Variants in TG observed in about 807,000 individuals in gnomAD.
TG encodes thyroid hormones.
Under a neutral mutation model 324.7 loss-of-function variants are expected in TG, and 270 were observed. The observed-to-expected ratio is 0.83, with a 90% CI of 0.75 to 0.92. The LOEUF (loss-of-function observed/expected upper bound fraction) is 0.92. Among genes scored for constraint, TG ranks in the 40% least tolerant of loss-of-function variants. TG has a pLI of 0.00. For missense variants in TG, 3,591 were observed against 3,456.4 expected (o/e 1.04, Z -0.98); for synonymous variants, 1,401 against 1,327.0 (o/e 1.06, Z -1.21).
At chr8:133,115,830 A>G (rs1194075419) in intron 44 of TG, among the ~76,000 whole-genome samples, 3 of 152,034 alleles carry the variant, frequency 2.0e-5, no homozygotes, top group Non-Finnish European at 4.4e-5. Flanking sequence ...GCAGGGCCCC[A>G]CTCTTGTAAG....
intron 35 of TG, among the ~76,000 whole-genome samples, chr8:133,009,047 A>G (rs1834266736): frequency 6.6e-6 from 1 of 152,184 alleles, no homozygotes; most frequent in East Asian, 1.9e-4. Flanking sequence ...GAATGGCAGG[A>G]CTTGGCTCCA....
chr8:133,001,261 C>T (rs1833465709), intron 35 of TG, among the ~76,000 whole-genome samples: 1 of 152,168 alleles, frequency 6.6e-6, no homozygotes, highest in Non-Finnish European at 1.5e-5. Flanking sequence ...CCTACTGTCA[C>T]CCCTCTGCTA....
intron 43 of TG, among the ~76,000 whole-genome samples, chr8:133,110,463 T>A (rs1850167029): frequency 6.6e-6 from 1 of 152,208 alleles, no homozygotes; most frequent in Non-Finnish European, 1.5e-5. Context: ...TATGAAGGAA[T>A]TAGCATAGAA....
chr8:133,091,073 G>A (rs1847434472), intron 41 of TG, among the ~76,000 whole-genome samples: 1 of 152,190 alleles, frequency 6.6e-6, no homozygotes, highest in African/African-American at 2.4e-5. Flanking sequence ...CCAGCTCCTG[G>A]GATTGCTCTG....
intron 45 of TG, among the ~76,000 whole-genome samples, chr8:133,130,460 T>C (rs776895539): frequency 2.0e-5 from 3 of 152,010 alleles, no homozygotes; most frequent in Non-Finnish European, 4.4e-5. Flanking sequence ...CAGGGGAGTG[T>C]TCCAAAGAAA....
intron 5 of TG, among the ~76,000 whole-genome samples, chr8:132,880,911 A>G (rs1354084988): frequency 6.6e-6 from 1 of 152,184 alleles, no homozygotes; most frequent in Non-Finnish European, 1.5e-5. Flanking sequence ...ACTATTGGAC[A>G]TTAAGGTTCT....
intron 11 of TG, among the ~76,000 whole-genome samples, chr8:132,896,622 C>A (rs1480470067): frequency 6.6e-6 from 1 of 152,206 alleles, no homozygotes; most frequent in Non-Finnish European, 1.5e-5. Flanking sequence ...GCAAATCAGA[C>A]TGGGCCTGGT....
chr8:132,952,928 T>C (rs1278870910), intron 27 of TG, among the ~76,000 whole-genome samples: 1 of 152,204 alleles, frequency 6.6e-6, no homozygotes, highest in Admixed American at 6.5e-5. Context: ...TACCCACTCC[T>C]GGCTGCCGCC....
At chr8:132,983,472 C>T (rs1343733248) in intron 35 of TG, 60 bp downstream of exon 35, 1 of 1,506,074 alleles carries the variant, frequency 6.6e-7, no homozygotes, top group Non-Finnish European at 9.2e-7. Context: ...TCTTCTTTCT[C>T]CTCTTCCCCC....
intron 35 of TG, among the ~76,000 whole-genome samples, chr8:132,998,710 CTG>C (rs1833135964): frequency 6.6e-6 from 1 of 152,182 alleles, no homozygotes; most frequent in Non-Finnish European, 1.5e-5. Flanking sequence ...AGAAAGAAAA[CTG>C]TGGTCCATAT....
chr8:132,873,124 C>G lies in TG; in HGVS notation c.541C>G (p.Pro181Ala). 6.2e-7 allele frequency: 1 copy of G among 1,614,148 alleles called. No homozygotes were observed. Among genetic ancestry groups the G allele is most frequent in the Non-Finnish European group, 8.5e-7 (1 of 1,180,028 alleles). The stretch of plus-strand genomic sequence containing the variant: ...CCACGGGGTGGGAGATAAGTCACCA[C>G]CCCAGTGTTCTGCGGAGGGAGAGTT... Reference protein sequence around the residue: ...LLHGVGDKSPPQCSAEGEFMP... With the variant: ...LLHGVGDKSPAQCSAEGEFMP... The change falls in exon 5 of 48, where the codon CCC becomes GCC. Residue 181 changes from proline to alanine, a missense_variant. By Grantham distance (27) the Pro-to-Ala change is conservative. Transcript: ENST00000220616.
Position 132,948,898 on chromosome 8 carries a change from A to C in TG, c.5356A>C (p.Ser1786Arg). Reference protein sequence around the residue: ...TCPGVTYDQESHQVILRLGDQ... With the variant: ...TCPGVTYDQERHQVILRLGDQ... ...TCCTGGTGTGACATATGACCAGGAGAGCCACCAGGTGATATTGCGTCTTGG... is the reference window on the plus strand; with the variant it reads ...TCCTGGTGTGACATATGACCAGGAGCGCCACCAGGTGATATTGCGTCTTGG... Residue 1786 changes from serine to arginine, a missense_variant, in exon 27 of 48, where the codon AGC becomes CGC. Transcript: ENST00000220616. 1 of 1,613,974 alleles carries C rather than the reference A, an allele frequency of 6.2e-7. No individual in the cohort carries two copies.
At chr8:132,942,368 T>C (rs1824571730) in intron 26 of TG, among the ~76,000 whole-genome samples, 1 of 152,246 alleles carries the variant, frequency 6.6e-6, no homozygotes, top group Non-Finnish European at 1.5e-5. Flanking sequence ...AACTGTTTTA[T>C]ATGAAAACCA....
chr8:133,097,282 C>G (rs868769308), intron 43 of TG, among the ~76,000 whole-genome samples: 1 of 152,274 alleles, frequency 6.6e-6, no homozygotes, highest in African/African-American at 2.4e-5. Context: ...ATATATTTCA[C>G]CTTGGGGACT....
intron 35 of TG, among the ~76,000 whole-genome samples, chr8:133,008,352 ACATT>A (rs1369476411): frequency 6.6e-6 from 1 of 152,248 alleles, no homozygotes; most frequent in Non-Finnish European, 1.5e-5. Context: ...ATTTGCAAAG[ACATT>A]CATGGAAAAG....
intron 27 of TG, among the ~76,000 whole-genome samples, chr8:132,950,657 G>T (rs1040629039): frequency 3.3e-5 from 5 of 152,196 alleles, no homozygotes; most frequent in African/African-American, 7.2e-5. Flanking sequence ...TGGAAAGTTT[G>T]TCTGTGATGT....
At chr8:133,020,088 C>T (rs959910004) in intron 39 of TG, among the ~76,000 whole-genome samples, 3 of 152,176 alleles carry the variant, frequency 2.0e-5, no homozygotes, top group Non-Finnish European at 2.9e-5. Context: ...GATATATTTA[C>T]CCTTATCTTA....
At chr8:132,996,166 A>G (rs1301936495) in intron 35 of TG, among the ~76,000 whole-genome samples, 1 of 152,148 alleles carries the variant, frequency 6.6e-6, no homozygotes. Context: ...CCTCTGCATG[A>G]TAGTAATTAA....
In TG at chr8:132,913,053, C is replaced by T. The variant is rs533140471; in HGVS notation, c.4166C>T (p.Ala1389Val). The T allele has an allele frequency of 6.2e-7, 1 of 1,614,074 alleles. No individual in the cohort carries two copies. The highest frequency in any genetic ancestry group is 8.5e-7 in the Non-Finnish European group (1 of 1,179,994). Residue 1389 changes from alanine (A) to valine (V), a missense_variant, in exon 20 of 48, where the codon GCC becomes GTC. By Grantham distance (64) the Ala-to-Val change is moderately conservative. Transcript: ENST00000220616. ...CTTATCCTGTGTCTTACAGAGAGAG[C>T]CTTGGTGGGCAAGGATCTCCTTGGG... ...SLPDLHDIER[A>V]LVGKDLLGRF... is the part of the protein sequence containing the mutation.
Sources: allele counts gnomAD v4.1 joint callset (sites outside exome capture counted in the v4.1 genomes callset), GRCh38; gene constraint gnomAD v4.1.1; transcripts MANE v1.5; gene names NCBI Gene and HGNC (gene_info 2026-07-23, HGNC 2026-07-21).